Variants in DMC1 observed in about 807,000 individuals in gnomAD.
DMC1 encodes the protein DNA meiotic recombinase 1, also known as meiotic recombination protein DMC1 homolog.
In DMC1, 27 loss-of-function variants were observed where a neutral mutation model predicts 50.1. The ratio of observed to expected loss-of-function variants is 0.54; its 90% confidence interval spans 0.40 to 0.74. The LOEUF is 0.74. Among genes scored for constraint, DMC1 ranks in the 30% least tolerant of loss-of-function variants. The pLI is 0.00. For synonymous variants in DMC1, 148 were observed against 136.1 expected, an observed-to-expected ratio of 1.09 and a Z score of -0.61; for missense variants, 295 against 420.2, an observed-to-expected ratio of 0.70 and a Z score of 2.60.
chr22:38,567,110 A>C lies in DMC1; in HGVS notation c.97-374T>G, dbSNP rs558481187. Among the ~76,000 whole-genome samples the C allele has an allele frequency of 2.0e-5, 3 of 152,244 alleles. No homozygotes were observed. In the South Asian group the frequency reaches 6.2e-4, roughly 32 times the overall value. Reference sequence around the variant, plus strand: ...TACCAACATGTTCTTTTAAATTTGTAAAGATTTTTTTTTTCCTCTGCCCCT... The same window carrying C: ...TACCAACATGTTCTTTTAAATTTGTCAAGATTTTTTTTTTCCTCTGCCCCT... On this transcript the variant is annotated intron_variant, in intron 3 of 13. Coordinates refer to ENST00000216024, the MANE Select transcript of DMC1 (RefSeq NM_007068.4).
downstream of DMC1, among the ~76,000 whole-genome samples, chr22:38,517,170 T>C (rs2089981665): frequency 6.6e-6 from 1 of 152,322 alleles, no homozygotes; most frequent in South Asian, 2.1e-4. Context: ...GTAGATTAGT[T>C]AGTTTGCGCA....
In DMC1 at chr22:38,519,835, T is replaced by C; in HGVS notation, c.*185A>G. 1 of 567,302 alleles carries C rather than the reference T, an allele frequency of 1.8e-6. No homozygotes were observed. 35.1% of individuals were successfully genotyped at this position (567,302 alleles called of 1,614,324 possible). A position where few individuals can be genotyped will look rare whatever the true frequency, so the allele number is the denominator to read the frequency against. ...ACATATACATATCCCTGAATTTACA[T>C]ACAATGTATAGTTATCATAAATCAG... On this transcript the variant is annotated 3_prime_UTR_variant, in exon 14 of 14. Coordinates refer to ENST00000216024, the MANE Select transcript of DMC1 (RefSeq NM_007068.4).
At chr22:38,512,786 T>C in the DMC1 span, among the ~76,000 whole-genome samples, 83 of 152,194 alleles carry the variant, frequency 5.5e-4, no homozygotes, top group African/African-American at 2.0e-3. Flanking sequence ...GGGAAACTTA[T>C]TAGAAAGACA....
In DMC1 at chr22:38,519,779, TACACACACAA is replaced by T; in HGVS notation, c.*231_*240del. 2.1e-6 allele frequency: 1 copy of T among 466,256 alleles called. No individual in the cohort carries two copies. The highest frequency in any genetic ancestry group is 4.0e-6 in the Non-Finnish European group (1 of 253,128). The allele number at this position is 466,256 out of a possible 1,614,324, so 28.9% of individuals were successfully genotyped here. A position where few individuals can be genotyped will look rare whatever the true frequency, so the allele number is the denominator to read the frequency against. ...ATATATCTACTATATATGTCAGGTATACACACACAAACACACACACACACAAACATACATA... is the reference window on the plus strand; with the variant it reads ...ATATATCTACTATATATGTCAGGTATACACACACACACACAAACATACATA... On this transcript the variant is annotated 3_prime_UTR_variant, in exon 14 of 14. Transcript: ENST00000216024.
chr22:38,568,090 A>G, intron 2 of DMC1, 116 bp downstream of exon 2: 1 of 921,620 alleles, frequency 1.1e-6, no homozygotes, highest in Non-Finnish European at 1.8e-6. Context: ...TATTTGCAAT[A>G]TATAACTATG....
At chr22:38,540,467 C>G (rs999431653) in intron 8 of DMC1, among the ~76,000 whole-genome samples, 2 of 152,140 alleles carry the variant, frequency 1.3e-5, no homozygotes, top group African/African-American at 4.8e-5. Flanking sequence ...GAGTAATAAA[C>G]ATTTTTTTTA....
intron 5 of DMC1, among the ~76,000 whole-genome samples, chr22:38,561,171 C>T (rs2090523817): frequency 6.6e-6 from 1 of 151,458 alleles, no homozygotes; most frequent in Non-Finnish European, 1.5e-5. Flanking sequence ...TCACACCCAG[C>T]TAATTAATTT....
chr22:38,539,313 G>C lies in DMC1; in HGVS notation c.586+8C>G. The C allele has an allele frequency of 6.2e-7, 1 of 1,605,916 alleles. No individual in the cohort carries two copies. Among genetic ancestry groups the C allele is most frequent in the African/African-American group, 1.3e-5 (1 of 74,830 alleles). On this transcript the variant is annotated splice_region_variant and intron_variant, in intron 9 of 13. Transcript: ENST00000216024. ...TGACCCAAGCATCCAACTGCATGGG[G>C]CTCTTACTAGTATATGCACGTGCAT...
chr22:38,535,253 C>T (rs529088329), intron 12 of DMC1, among the ~76,000 whole-genome samples: 17 of 151,054 alleles, frequency 1.1e-4, no homozygotes, highest in South Asian at 2.1e-4. Context: ...GAGCTGGGAT[C>T]GTGCCACTGC....
At chr22:38,512,989 CAGG>C in the DMC1 span, among the ~76,000 whole-genome samples, 2 of 151,604 alleles carry the variant, frequency 1.3e-5, no homozygotes, top group African/African-American at 4.9e-5. Context: ...GAGGCTGAGA[CAGG>C]AGAATCGCTT....
intron 12 of DMC1, among the ~76,000 whole-genome samples, chr22:38,522,108 C>T (rs1264334144): frequency 1.3e-5 from 2 of 151,806 alleles, no homozygotes; most frequent in African/African-American, 4.8e-5. Flanking sequence ...CCCACCACCA[C>T]GCCCAGCTAA....
At chr22:38,553,352 G>T (rs1359344060) in intron 6 of DMC1, among the ~76,000 whole-genome samples, 2 of 149,916 alleles carry the variant, frequency 1.3e-5, no homozygotes, top group Admixed American at 6.6e-5. Context: ...CAAAAAATTA[G>T]CTGGGTGTGG....
chr22:38,552,939 C>T (rs2090428517), intron 6 of DMC1, among the ~76,000 whole-genome samples: 1 of 151,648 alleles, frequency 6.6e-6, no homozygotes, highest in Non-Finnish European at 1.5e-5. Flanking sequence ...CCTTCACCTC[C>T]CGGGTTCAAG....
chr22:38,537,365 C>T (rs1414571347), intron 12 of DMC1, among the ~76,000 whole-genome samples: 53 of 152,120 alleles, frequency 3.5e-4, no homozygotes, highest in Admixed American at 3.5e-3. Context: ...AGGTGTGCGC[C>T]ACCACACCCG....
intron 12 of DMC1, among the ~76,000 whole-genome samples, chr22:38,528,084 C>T (rs2090113326): frequency 6.9e-6 from 1 of 144,790 alleles, no homozygotes; most frequent in African/African-American, 2.6e-5. Flanking sequence ...TTTTTTGAGA[C>T]AGAATCTCAC....
intron 7 of DMC1, among the ~76,000 whole-genome samples, chr22:38,550,799 T>G (rs1472978319): frequency 1.3e-5 from 2 of 149,750 alleles, no homozygotes; most frequent in Admixed American, 1.3e-4. Flanking sequence ...GGTGTGGTGG[T>G]GCATGCCTGT....
At chr22:38,537,328 C>T (rs1006308184) in intron 12 of DMC1, among the ~76,000 whole-genome samples, 29 of 152,070 alleles carry the variant, frequency 1.9e-4, no homozygotes, top group Admixed American at 1.9e-3. Context: ...ATTCTTCTGC[C>T]TCAGCCTCCG....
At chr22:38,516,296 T>C (rs2089976117), downstream of DMC1, among the ~76,000 whole-genome samples, 1 of 152,328 alleles carries the variant, frequency 6.6e-6, no homozygotes, top group African/African-American at 2.4e-5. Flanking sequence ...GATGCCATAT[T>C]GAAACCAGCT....
chr22:38,563,894 G>C (rs1032207961), intron 4 of DMC1, among the ~76,000 whole-genome samples: 1 of 151,918 alleles, frequency 6.6e-6, no homozygotes, highest in Admixed American at 6.6e-5. Flanking sequence ...TAGAGACAGG[G>C]TTTCACTGTG....
Sources: gnomAD v4.1 joint callset for allele counts (sites outside exome capture counted in the v4.1 genomes callset) on GRCh38, gnomAD v4.1.1 for gene constraint, MANE v1.5 for transcripts, NCBI Gene and HGNC (gene_info 2026-07-23, HGNC 2026-07-21) for gene names.